Variants in DMD observed in about 807,000 individuals in gnomAD.
DMD encodes dystrophin, also known as mutant dystrophin.
In DMD, 63 loss-of-function variants were observed where a neutral mutation model predicts 330.1. That is an observed-to-expected ratio of 0.19 (90% CI 0.16 to 0.24). DMD has a LOEUF of 0.24. DMD is among the 10% of genes least tolerant of loss of function. The probability of loss-of-function intolerance (pLI) is 1.00; values close to 1 mark genes in which losing one functional copy is unlikely to be tolerated. For synonymous variants in DMD, 1,223 were observed against 959.8 expected (o/e 1.27, Z -5.07); for missense variants, 3,344 against 2,684.1 (o/e 1.25, Z -5.43).
At chrX:31,429,537 A>G (rs1279044019) in intron 60 of DMD, among the ~76,000 whole-genome samples, 1 of 112,112 alleles carries the variant, frequency 8.9e-6, no homozygotes, top group Non-Finnish European at 1.9e-5. Flanking sequence ...TAGACAGCAC[A>G]GTGGCCTTAG....
At chrX:31,209,461 T>C in intron 65 of DMD, 37 bp downstream of exon 65, 1 of 1,182,341 alleles carries the variant, frequency 8.5e-7, no homozygotes, top group Non-Finnish European at 1.2e-6. Context: ...AAGCCTCCTG[T>C]GACAGAGCCC....
chrX:31,897,527 A>C (rs1464271133), intron 47 of DMD, among the ~76,000 whole-genome samples: 1 of 95,033 alleles, frequency 1.1e-5, no homozygotes, highest in Non-Finnish European at 2.1e-5. Context: ...GAACTAGTTT[A>C]CAGTCCCACC....
chrX:32,530,186 A>G (rs955608640), intron 17 of DMD, among the ~76,000 whole-genome samples: 1 of 112,274 alleles, frequency 8.9e-6, no homozygotes, highest in African/African-American at 3.2e-5. Flanking sequence ...GGCATACCGA[A>G]TTATATACTT....
intron 16 of DMD, among the ~76,000 whole-genome samples, chrX:32,564,193 A>G (rs1334985613): frequency 2.7e-5 from 3 of 112,236 alleles, no homozygotes; most frequent in Non-Finnish European, 5.6e-5. Flanking sequence ...GCTACTATGC[A>G]GACTCAAGTT....
intron 34 of DMD, among the ~76,000 whole-genome samples, chrX:32,374,136 T>C (rs1156538539): frequency 4.5e-5 from 5 of 111,413 alleles, no homozygotes; most frequent in African/African-American, 1.6e-4. Context: ...TTCTTTGTCC[T>C]GTTTTTAATC....
intron 41 of DMD, among the ~76,000 whole-genome samples, chrX:32,341,231 T>C (rs906127765): frequency 2.7e-5 from 3 of 111,680 alleles, no homozygotes; most frequent in Non-Finnish European, 1.9e-5. Context: ...TATAAAGACT[T>C]AGTTTCCAGA....
chrX:32,898,120 T>C (rs2149285485), intron 2 of DMD, among the ~76,000 whole-genome samples: 1 of 111,956 alleles, frequency 8.9e-6, no homozygotes, highest in South Asian at 3.7e-4. Flanking sequence ...TCTGATGAGA[T>C]GTTTTGCTAA....
chrX:31,229,935 A>G (rs1482827916), intron 63 of DMD, among the ~76,000 whole-genome samples: 1 of 112,403 alleles, frequency 8.9e-6, no homozygotes, highest in Non-Finnish European at 1.9e-5. Context: ...GAGACTTCAG[A>G]CAAATTGAGT....
chrX:32,743,041 T>C (rs899888382), intron 7 of DMD, among the ~76,000 whole-genome samples: 8 of 111,317 alleles, frequency 7.2e-5, no homozygotes, highest in Non-Finnish European at 1.3e-4. Context: ...CGCATTTCAG[T>C]GGACATTGTT....
At chrX:32,121,620 CATATATATATATATATATATAT>C (rs10535803) in intron 44 of DMD, among the ~76,000 whole-genome samples, 1,817 of 36,455 alleles carry the variant, frequency 0.05, 134 homozygotes, top group African/African-American at 0.16. Context: ...AATATGTGTG[CATATATATATATATATATATAT>C]ATATATATAT....
At chrX:31,792,108 A>G (rs1339401625) in intron 50 of DMD, among the ~76,000 whole-genome samples, 1 of 111,968 alleles carries the variant, frequency 8.9e-6, no homozygotes, top group Non-Finnish European at 1.9e-5. Context: ...GTTTCCCAGT[A>G]CATGAAATTA....
At chrX:31,400,594 A>C (rs996564692) in intron 60 of DMD, among the ~76,000 whole-genome samples, 1 of 112,134 alleles carries the variant, frequency 8.9e-6, no homozygotes, top group Non-Finnish European at 1.9e-5. Flanking sequence ...TTGCAGAGGA[A>C]GATAAAGACG....
At chrX:31,807,775 C>T (rs2092337419) in intron 50 of DMD, among the ~76,000 whole-genome samples, 1 of 111,221 alleles carries the variant, frequency 9.0e-6, no homozygotes, top group East Asian at 2.8e-4. Context: ...AAAGCATGCA[C>T]AATATGGTAG....
In DMD at chrX:31,530,441, C is replaced by T. The variant is rs753740738; in HGVS notation, c.8218-22988G>A. Among the ~76,000 whole-genome samples the T allele has an allele frequency of 5.4e-5, 6 of 111,381 alleles. No individual in the cohort carries two copies. The East Asian group carries it at 1.4e-3, about 26-fold the overall frequency. On this transcript the variant is annotated intron_variant, in intron 55 of 78. Coordinates refer to ENST00000357033, the MANE Select transcript of DMD (RefSeq NM_004006.3). ...GCTGGGACCATATCTGCCTTGTCTG[C>T]GGCTGTATCTCCCACTTCCAGCTTG... is the stretch of plus-strand genomic sequence containing the variant.
intron 60 of DMD, among the ~76,000 whole-genome samples, chrX:31,389,243 T>C (rs1362150078): frequency 1.8e-5 from 2 of 112,470 alleles, no homozygotes; most frequent in South Asian, 3.7e-4. Flanking sequence ...CATCAAATGA[T>C]TTAACAAGAG....
intron 43 of DMD, among the ~76,000 whole-genome samples, chrX:32,280,745 T>C (rs144389631): frequency 8.9e-6 from 1 of 112,133 alleles, no homozygotes; most frequent in East Asian, 2.8e-4. Context: ...CTTTAAAAGA[T>C]AAAATTCTAT....
chrX:32,933,674 G>A (rs1303394892), intron 2 of DMD, among the ~76,000 whole-genome samples: 1 of 112,059 alleles, frequency 8.9e-6, no homozygotes, highest in African/African-American at 3.2e-5. Context: ...GTGAGGAAAA[G>A]TGTCCCAAGA....
intron 16 of DMD, among the ~76,000 whole-genome samples, chrX:32,554,935 A>G (rs951143828): frequency 1.1e-4 from 3 of 28,283 alleles, no homozygotes; most frequent in East Asian, 1.4e-3. Flanking sequence ...GAAAGAAAGA[A>G]AGAAAGAGAG....
At chrX:33,295,531 T>C (rs5928228) in intron 1 of DMD, among the ~76,000 whole-genome samples, 19,898 of 110,451 alleles carry the variant, frequency 0.18, 1,754 homozygotes, top group Non-Finnish European at 0.27. Context: ...TAAATACAAA[T>C]AGTGACATAG....
Sources: allele counts gnomAD v4.1 joint callset (sites outside exome capture counted in the v4.1 genomes callset), GRCh38; gene constraint gnomAD v4.1.1; transcripts MANE v1.5; gene names NCBI Gene and HGNC (gene_info 2026-07-23, HGNC 2026-07-21).